DCC: variants seen among roughly 807,000 people sequenced by gnomAD.
DCC encodes the protein DCC netrin 1 receptor.
In DCC, 58 loss-of-function variants were observed where a neutral mutation model predicts 172.5. The ratio of observed to expected loss-of-function variants is 0.34; its 90% CI spans 0.27 to 0.42. The LOEUF is 0.42. DCC is among the 10% of genes least tolerant of loss of function. The probability of loss-of-function intolerance (pLI) is 1.00; values close to 1 mark genes in which losing one functional copy is unlikely to be tolerated. For missense variants in DCC, 1,740 were observed against 1,791.0 expected, an observed-to-expected ratio of 0.97 and a Z score of 0.51; for synonymous variants, 709 against 644.5, an observed-to-expected ratio of 1.10 and a Z score of -1.52.
chr18:52,460,741 A>T (rs1988604930), intron 1 of DCC, among the ~76,000 whole-genome samples: 1 of 152,178 alleles, frequency 6.6e-6, no homozygotes. Flanking sequence ...TGTGTATCCA[A>T]AATATCTAAA....
intron 15 of DCC, among the ~76,000 whole-genome samples, chr18:53,363,804 C>G (rs1406019473): frequency 6.6e-6 from 1 of 152,096 alleles, no homozygotes; most frequent in African/African-American, 2.4e-5. Flanking sequence ...ATGATTTAGT[C>G]TCTCTGAAAA....
At chr18:52,409,013 C>T (rs72918822) in intron 1 of DCC, 16,876 of 152,076 alleles carry the variant, frequency 0.11, 1,017 homozygotes, top group Middle Eastern at 0.18. Flanking sequence ...TTGGGATATA[C>T]CCCTACAGAC....
chr18:53,496,379 G>A (rs1261328863), intron 26 of DCC, among the ~76,000 whole-genome samples: 1 of 152,046 alleles, frequency 6.6e-6, no homozygotes, highest in Non-Finnish European at 1.5e-5. Context: ...TTTGTTAGAA[G>A]GAAAACTAAC....
At chr18:52,424,034 G>A (rs1987341812) in intron 1 of DCC, among the ~76,000 whole-genome samples, 1 of 152,104 alleles carries the variant, frequency 6.6e-6, no homozygotes, top group South Asian at 2.1e-4. Flanking sequence ...GGTGGTGCAA[G>A]TTCAGTAGAT....
At chr18:53,420,377 C>T (rs1174851321) in intron 21 of DCC, among the ~76,000 whole-genome samples, 1 of 152,130 alleles carries the variant, frequency 6.6e-6, no homozygotes, top group African/African-American at 2.4e-5. Context: ...GTGGCAACAG[C>T]GCTGATTACA....
chr18:52,497,311 ATATACAC>A (rs2144618009), intron 1 of DCC, among the ~76,000 whole-genome samples: 1 of 85,604 alleles, frequency 1.2e-5, no homozygotes, highest in East Asian at 3.9e-4. Context: ...ATATATATAT[ATATACAC>A]ACACACATAT....
intron 2 of DCC, among the ~76,000 whole-genome samples, chr18:52,854,629 A>G (rs1023419483): frequency 1.3e-5 from 2 of 152,238 alleles, no homozygotes; most frequent in Non-Finnish European, 2.9e-5. Flanking sequence ...CACCCTAGAC[A>G]TGCCACAGGT....
At chr18:53,047,263 T>TAATTTG (rs1568267938) in intron 5 of DCC, among the ~76,000 whole-genome samples, 3 of 13,876 alleles carry the variant, frequency 2.2e-4, no homozygotes, top group African/African-American at 2.0e-3. Context: ...TATATATATA[T>TAATTTG]ATATATATAT....
At chr18:53,242,937 A>G (rs2056319956) in intron 12 of DCC, among the ~76,000 whole-genome samples, 3 of 151,478 alleles carry the variant, frequency 2.0e-5, no homozygotes, top group African/African-American at 7.3e-5. Flanking sequence ...GCAGGGTGCA[A>G]GCTCTCACTT....
chr18:52,899,958 T>G (rs2039787488), intron 2 of DCC, among the ~76,000 whole-genome samples: 1 of 152,360 alleles, frequency 6.6e-6, no homozygotes, highest in African/African-American at 2.4e-5. Context: ...TACACCATGC[T>G]AAGTGCTTAC....
intron 5 of DCC, among the ~76,000 whole-genome samples, chr18:53,025,174 TGAC>T (rs2041938712): frequency 6.6e-6 from 1 of 152,152 alleles, no homozygotes; most frequent in African/African-American, 2.4e-5. Flanking sequence ...GAGGATTTAC[TGAC>T]GAGTCACTGG....
intron 1 of DCC, among the ~76,000 whole-genome samples, chr18:52,379,760 G>C (rs1985507669): frequency 1.3e-5 from 2 of 152,136 alleles, no homozygotes; most frequent in South Asian, 4.1e-4. Context: ...GTCTGAAGCA[G>C]CTTAGAAATC....
At chr18:53,455,566 A>T (rs180886480) in intron 23 of DCC, among the ~76,000 whole-genome samples, 1 of 152,258 alleles carries the variant, frequency 6.6e-6, no homozygotes, top group Non-Finnish European at 1.5e-5. Flanking sequence ...TTGCATGTCA[A>T]TAATGGAAAG....
At chr18:52,784,934 G>GGAGAGAGAGAGAGAAGAGAAGGGGGGA (rs2037627004) in intron 2 of DCC, among the ~76,000 whole-genome samples, 1 of 141,446 alleles carries the variant, frequency 7.1e-6, no homozygotes, top group African/African-American at 2.7e-5. Context: ...AGAGAAGGGG[G>GGAGAGAGAGAGAGAAGAGAAGGGGGGA]GAGAGAGAGA....
chr18:52,593,994 C>A (rs2033856776), intron 1 of DCC, among the ~76,000 whole-genome samples: 1 of 152,148 alleles, frequency 6.6e-6, no homozygotes, highest in Non-Finnish European at 1.5e-5. Flanking sequence ...AAGTCAGAGA[C>A]CTACAAGGCC....
intron 2 of DCC, among the ~76,000 whole-genome samples, chr18:52,813,030 G>A (rs2038229483): frequency 6.6e-6 from 1 of 152,186 alleles, no homozygotes; most frequent in African/African-American, 2.4e-5. Flanking sequence ...CATGGCTTCT[G>A]AAACTCCAAT....
intron 23 of DCC, among the ~76,000 whole-genome samples, chr18:53,456,724 A>G (rs2045487565): frequency 6.6e-6 from 1 of 152,118 alleles, no homozygotes; most frequent in African/African-American, 2.4e-5. Context: ...TAGAGACCCC[A>G]CTTTGGCAAC....
intron 5 of DCC, among the ~76,000 whole-genome samples, chr18:53,046,977 C>G (rs1047605006): frequency 6.6e-6 from 1 of 151,422 alleles, no homozygotes; most frequent in Non-Finnish European, 1.5e-5. Flanking sequence ...TCTCCTTTCA[C>G]CGAATTTGAG....
chr18:52,552,523 A>G (rs1172555730), intron 1 of DCC, among the ~76,000 whole-genome samples: 1 of 152,070 alleles, frequency 6.6e-6, no homozygotes, highest in Admixed American at 6.6e-5. Context: ...AAAGAAACAG[A>G]ATGGATAAGA....
Sources: gnomAD v4.1 joint callset for allele counts (sites outside exome capture counted in the v4.1 genomes callset) on GRCh38, gnomAD v4.1.1 for gene constraint, MANE v1.5 for transcripts, NCBI Gene and HGNC (gene_info 2026-07-23, HGNC 2026-07-21) for gene names.